PCDH7: variants seen among roughly 807,000 people sequenced by gnomAD.
The protein encoded by PCDH7 is protocadherin-7.
PCDH7 carries 17 observed loss-of-function variants against 58.9 expected under a neutral mutation model. The observed-to-expected ratio is 0.29, with a 90% CI of 0.20 to 0.43. The LOEUF is 0.43. Among genes scored for constraint, PCDH7 ranks in the 20% least tolerant of loss-of-function variants. The probability of loss-of-function intolerance (pLI) is 1.00; values close to 1 mark genes in which losing one functional copy is unlikely to be tolerated. For synonymous variants in PCDH7, 664 were observed against 616.4 expected, an observed-to-expected ratio of 1.08 and a Z score of -1.14; for missense variants, 1,274 against 1,441.0, an observed-to-expected ratio of 0.88 and a Z score of 1.88.
At chr4:30,907,172 A>T (rs1332123514) in intron 1 of PCDH7, among the ~76,000 whole-genome samples, 3 of 152,174 alleles carry the variant, frequency 2.0e-5, no homozygotes, top group Non-Finnish European at 2.9e-5. Flanking sequence ...GTGTATGAAG[A>T]TGAAGAACAC....
chr4:31,044,901 G>C (rs577074637), intron 3 of PCDH7, among the ~76,000 whole-genome samples: 1 of 151,956 alleles, frequency 6.6e-6, no homozygotes, highest in South Asian at 2.1e-4. Context: ...AGTAACATAG[G>C]ACCTGCAGTG....
At chr4:30,996,674 T>C (rs764873487) in intron 3 of PCDH7, among the ~76,000 whole-genome samples, 90 of 152,282 alleles carry the variant, frequency 5.9e-4, no homozygotes, top group Non-Finnish European at 1.1e-3. Context: ...GAAACTTGGT[T>C]TTATTTTTAT....
intron 1 of PCDH7, among the ~76,000 whole-genome samples, chr4:30,785,618 T>G (rs1723295063): frequency 6.6e-6 from 1 of 152,058 alleles, no homozygotes; most frequent in Non-Finnish European, 1.5e-5. Flanking sequence ...GCATTTTCTG[T>G]TCTCTAAACG....
At chr4:30,833,736 C>T (rs1234724504) in intron 1 of PCDH7, among the ~76,000 whole-genome samples, 1 of 152,166 alleles carries the variant, frequency 6.6e-6, no homozygotes, top group Non-Finnish European at 1.5e-5. Context: ...TACATCTGAA[C>T]ACGAGAGAGA....
chr4:30,938,289 T>A (rs1030600644), intron 2 of PCDH7, among the ~76,000 whole-genome samples: 1 of 152,124 alleles, frequency 6.6e-6, no homozygotes, highest in Non-Finnish European at 1.5e-5. Flanking sequence ...TTAGCTAGTC[T>A]CCTTATTGAT....
intron 1 of PCDH7, among the ~76,000 whole-genome samples, chr4:30,814,077 A>G (rs1727352036): frequency 6.6e-6 from 1 of 152,196 alleles, no homozygotes; most frequent in Non-Finnish European, 1.5e-5. Context: ...ATGCATTATA[A>G]TATCATAATT....
At chr4:30,850,532 T>G (rs1732590751) in intron 1 of PCDH7, among the ~76,000 whole-genome samples, 1 of 152,064 alleles carries the variant, frequency 6.6e-6, no homozygotes, top group African/African-American at 2.4e-5. Context: ...GGGTTTTTCT[T>G]TTTTATTAGG....
intron 3 of PCDH7, among the ~76,000 whole-genome samples, chr4:30,979,962 T>C (rs1372563110): frequency 2.0e-5 from 3 of 152,192 alleles, no homozygotes. Context: ...CCTGACACTA[T>C]GGTGGGACAT....
At chr4:31,068,884 G>T (rs1758314195) in intron 3 of PCDH7, among the ~76,000 whole-genome samples, 1 of 151,944 alleles carries the variant, frequency 6.6e-6, no homozygotes, top group African/African-American at 2.4e-5. Flanking sequence ...TAATTACACT[G>T]GCCATGAGAC....
chr4:30,989,659 A>C (rs10023687), intron 3 of PCDH7, among the ~76,000 whole-genome samples: 3,185 of 152,220 alleles, frequency 0.021, 108 homozygotes, highest in African/African-American at 0.073. Context: ...AATGTTTTGG[A>C]GGTCACTGGT....
chr4:31,088,081 C>G (rs540814171), intron 3 of PCDH7, among the ~76,000 whole-genome samples: 1 of 152,070 alleles, frequency 6.6e-6, no homozygotes, highest in African/African-American at 2.4e-5. Context: ...GAAATTGGAA[C>G]CCTTTCTCCA....
At chr4:31,049,356 T>C (rs1016978733) in intron 3 of PCDH7, among the ~76,000 whole-genome samples, 3 of 152,064 alleles carry the variant, frequency 2.0e-5, no homozygotes, top group Admixed American at 2.0e-4. Flanking sequence ...TTCCAAGTCA[T>C]TATTAGGGTG....
At chr4:30,824,111 C>CTTTCTTTT (rs1728758603) in intron 1 of PCDH7, among the ~76,000 whole-genome samples, 1 of 140,064 alleles carries the variant, frequency 7.1e-6, no homozygotes, top group African/African-American at 2.7e-5. Flanking sequence ...TTCTTTCTTT[C>CTTTCTTTT]TTTCTTTCTT....
chr4:31,016,652 G>A (rs1390286390), intron 3 of PCDH7, among the ~76,000 whole-genome samples: 3 of 151,882 alleles, frequency 2.0e-5, no homozygotes, highest in Non-Finnish European at 2.9e-5. Context: ...ATAATTTTGT[G>A]GTCTGTTTGT....
chr4:31,004,584 G>T (rs894295962), intron 3 of PCDH7, among the ~76,000 whole-genome samples: 3 of 152,020 alleles, frequency 2.0e-5, no homozygotes, highest in African/African-American at 2.4e-5. Context: ...TACTTAGGAG[G>T]CTGAGGCACA....
chr4:31,095,637 C>T (rs191869930), intron 3 of PCDH7, among the ~76,000 whole-genome samples: 1 of 152,084 alleles, frequency 6.6e-6, no homozygotes, highest in South Asian at 2.1e-4. Context: ...TGAATAAGAG[C>T]TAGGTCCTGT....
intron 3 of PCDH7, among the ~76,000 whole-genome samples, chr4:31,059,831 A>G (rs1757542433): frequency 6.6e-6 from 1 of 151,802 alleles, no homozygotes; most frequent in Non-Finnish European, 1.5e-5. Context: ...ATACATATTT[A>G]CTATATAAAG....
chr4:31,090,620 A>G (rs1713113135), intron 3 of PCDH7, among the ~76,000 whole-genome samples: 1 of 152,100 alleles, frequency 6.6e-6, no homozygotes, highest in South Asian at 2.1e-4. Context: ...ATCACAAAGA[A>G]TATTTGCAGT....
chr4:31,110,335 A>G (rs893685526), intron 3 of PCDH7, among the ~76,000 whole-genome samples: 1 of 152,228 alleles, frequency 6.6e-6, no homozygotes, highest in Non-Finnish European at 1.5e-5. Flanking sequence ...CTAATAAAAT[A>G]TCTCATAACC....
Sources: allele counts gnomAD v4.1 joint callset (sites outside exome capture counted in the v4.1 genomes callset), GRCh38; gene constraint gnomAD v4.1.1; transcripts MANE v1.5; gene names NCBI Gene and HGNC (gene_info 2026-07-23, HGNC 2026-07-21).